Variants in DYDC1 observed in about 807,000 individuals in gnomAD.
DYDC1 encodes the protein DPY30 domain containing 1.
A neutral mutation model predicts 27.9 loss-of-function variants in DYDC1; 21 were observed. The ratio of observed to expected loss-of-function variants is 0.75; its 90% CI spans 0.53 to 1.08. The LOEUF is 1.08. Among genes scored for constraint, DYDC1 ranks in the 50% least tolerant of loss-of-function variants. DYDC1 has a pLI of 0.00. For missense variants in DYDC1, 202 were observed against 205.9 expected, an observed-to-expected ratio of 0.98 and a Z score of 0.12; for synonymous variants, 67 against 65.8, an observed-to-expected ratio of 1.02 and a Z score of -0.09.
chr10:80,353,494 A>C (rs1230153022), intron 1 of DYDC1, among the ~76,000 whole-genome samples: 1 of 151,194 alleles, frequency 6.6e-6, no homozygotes, highest in African/African-American at 2.4e-5. Flanking sequence ...AAAAGGAAAA[A>C]TGGAGCAACC....
intron 6 of DYDC1, chr10:80,338,100 G>A (rs955941118): frequency 1.4e-5 from 14 of 985,302 alleles, no homozygotes; most frequent in Non-Finnish European, 3.6e-6. Flanking sequence ...ACATACTGGA[G>A]AAGCATGCAT....
intron 3 of DYDC1, among the ~76,000 whole-genome samples, chr10:80,347,395 T>A (rs1842734428): frequency 6.8e-6 from 1 of 146,948 alleles, no homozygotes; most frequent in Non-Finnish European, 1.5e-5. Flanking sequence ...CTTCTCCCAA[T>A]CCATAGGCTG....
intron 6 of DYDC1, chr10:80,337,177 T>C: frequency 1.0e-6 from 1 of 985,436 alleles, no homozygotes; most frequent in Non-Finnish European, 1.2e-6. Flanking sequence ...TCCTTGAACT[T>C]CACCTCCTGA....
At chr10:80,346,753 C>G (rs1391358574) in intron 3 of DYDC1, among the ~76,000 whole-genome samples, 1 of 151,886 alleles carries the variant, frequency 6.6e-6, no homozygotes, top group African/African-American at 2.4e-5. Context: ...AGCCACTGCC[C>G]CCGGCCATGT....
At chr10:80,353,832 A>C (rs554628336) in intron 1 of DYDC1, among the ~76,000 whole-genome samples, 2 of 152,264 alleles carry the variant, frequency 1.3e-5, no homozygotes, top group African/African-American at 4.8e-5. Context: ...TGAAATCAAT[A>C]ATGATAATAT....
intron 1 of DYDC1, chr10:80,356,261 C>T (rs891399492): frequency 4.1e-6 from 4 of 985,532 alleles, no homozygotes; most frequent in Non-Finnish European, 2.4e-6. Context: ...CACCAATAGG[C>T]ATCTTGGCTC....
chr10:80,348,551 T>C (rs118050437), intron 3 of DYDC1, among the ~76,000 whole-genome samples: 122 of 152,324 alleles, frequency 8.0e-4, no homozygotes, highest in Non-Finnish European at 1.5e-3. Context: ...CCAAACAAAT[T>C]GTCAGTGGAT....
chr10:80,341,302 G>A (rs2132751599), intron 4 of DYDC1, among the ~76,000 whole-genome samples: 1 of 151,768 alleles, frequency 6.6e-6, no homozygotes, highest in East Asian at 1.9e-4. Flanking sequence ...AATTAGCCAA[G>A]CATGGTTGTG....
chr10:80,337,402 G>C, intron 6 of DYDC1: 1 of 985,424 alleles, frequency 1.0e-6, no homozygotes, highest in Non-Finnish European at 1.2e-6. Context: ...AACAGCTCTT[G>C]AAAACAACAT....
chr10:80,356,053 G>A (rs1843348701), intron 1 of DYDC1, among the ~76,000 whole-genome samples: 1 of 151,868 alleles, frequency 6.6e-6, no homozygotes. Context: ...ATGTGGGAAG[G>A]GAGGAAGGGG....
chr10:80,345,615 C>CTGT (rs1842568218), intron 3 of DYDC1, among the ~76,000 whole-genome samples: 1 of 152,142 alleles, frequency 6.6e-6, no homozygotes, highest in Non-Finnish European at 1.5e-5. Flanking sequence ...TTGGTAACCA[C>CTGT]TGTTCTATTC....
intron 4 of DYDC1, among the ~76,000 whole-genome samples, chr10:80,340,971 AT>A (rs1263803897): frequency 2.5e-4 from 38 of 152,202 alleles, no homozygotes; most frequent in Non-Finnish European, 8.8e-5. Flanking sequence ...TTTAAAAAAA[AT>A]CTCACTTTTT....
At chr10:80,342,389 C>G in intron 3 of DYDC1, 28 bp from the exon 4 acceptor site, 1 of 1,605,362 alleles carries the variant, frequency 6.2e-7, no homozygotes, top group East Asian at 2.2e-5. Flanking sequence ...TGTCATATTA[C>G]AGTTAGATTA....
intron 1 of DYDC1, 178 bp from the exon 2 acceptor site, chr10:80,352,788 G>A: frequency 1.4e-6 from 1 of 698,044 alleles, no homozygotes; most frequent in Non-Finnish European, 2.0e-6. Flanking sequence ...TTCCAAAAGG[G>A]CTCCAAGGAA....
intron 3 of DYDC1, 66 bp from the exon 4 acceptor site, chr10:80,342,427 C>T (rs1842366461): frequency 1.3e-6 from 2 of 1,501,464 alleles, no homozygotes; most frequent in African/African-American, 2.8e-5. Context: ...TTTATACCCA[C>T]CTTCATTTCA....
At chr10:80,339,809 TG>T (rs1260241443) in intron 4 of DYDC1, among the ~76,000 whole-genome samples, 1 of 152,194 alleles carries the variant, frequency 6.6e-6, no homozygotes, top group East Asian at 1.9e-4. Flanking sequence ...ATCATACATA[TG>T]GTCACCCTAA....
intron 1 of DYDC1, among the ~76,000 whole-genome samples, chr10:80,355,192 G>C (rs899056635): frequency 6.6e-6 from 1 of 151,840 alleles, no homozygotes; most frequent in East Asian, 2.0e-4. Context: ...GGCAATTACA[G>C]GGGATAGAAT....
chr10:80,345,884 G>T (rs1418328214), intron 3 of DYDC1, among the ~76,000 whole-genome samples: 1 of 152,088 alleles, frequency 6.6e-6, no homozygotes. Flanking sequence ...TCAAGACAGG[G>T]TCTTGCTCTG....
At chr10:80,341,333 C>T (rs138817443) in intron 4 of DYDC1, among the ~76,000 whole-genome samples, 6 of 150,790 alleles carry the variant, frequency 4.0e-5, no homozygotes, top group South Asian at 2.1e-4. Context: ...ATCCCAGCTA[C>T]TCGGGAGGCT....
Sources: allele counts gnomAD v4.1 joint callset (sites outside exome capture counted in the v4.1 genomes callset), GRCh38; gene constraint gnomAD v4.1.1; transcripts MANE v1.5; gene names NCBI Gene and HGNC (gene_info 2026-07-23, HGNC 2026-07-21).